Variants in SHANK2 observed in about 807,000 individuals in gnomAD.
The protein encoded by SHANK2 is SH3 and multiple ankyrin repeat domains 2.
In SHANK2, 43 loss-of-function variants were observed where a neutral mutation model predicts 133.7. The ratio of observed to expected loss-of-function variants is 0.32; its 90% CI spans 0.25 to 0.41. The LOEUF is 0.41. Ranked by LOEUF, SHANK2 falls within the 10% of genes least tolerant of loss-of-function variation. The pLI, the probability that SHANK2 is intolerant of heterozygous loss-of-function variation, is 1.00. For synonymous variants in SHANK2, 1,017 were observed against 952.8 expected, an observed-to-expected ratio of 1.07 and a Z score of -1.24; for missense variants, 1,994 against 2,235.8, an observed-to-expected ratio of 0.89 and a Z score of 2.18.
intron 17 of SHANK2, among the ~76,000 whole-genome samples, chr11:70,582,941 T>C (rs1227266635): frequency 1.3e-5 from 2 of 152,190 alleles, no homozygotes; most frequent in African/African-American, 4.8e-5. Flanking sequence ...CAGGAATCAC[T>C]GGCAGGGTCT....
In SHANK2 at chr11:71,122,650, A is replaced by T. The variant is rs542427006; in HGVS notation, c.208-3618T>A. ...ACCCTAGAACTTAAAGTATAATTTT[A>T]AAAAAAAGTGAGAAAATCTGGACAC... On this transcript the variant is annotated intron_variant, in intron 3 of 25. Transcript: ENST00000601538. Among the ~76,000 whole-genome samples, 278 of 152,168 alleles carry T rather than the reference A, an allele frequency of 1.8e-3. 3 individuals are homozygous for T. Among genetic ancestry groups the T allele is most frequent in the African/African-American group, 5.7e-3 (237 of 41,514 alleles).
intron 11 of SHANK2, among the ~76,000 whole-genome samples, chr11:70,823,295 C>A (rs1948571333): frequency 8.0e-6 from 1 of 125,242 alleles, no homozygotes; most frequent in African/African-American, 3.2e-5. Context: ...TGGCAGAGTT[C>A]ATGGGGGACA....
At chr11:70,892,946 C>CCCTTCCCTGACTT in intron 11 of SHANK2, among the ~76,000 whole-genome samples, 1 of 152,326 alleles carries the variant, frequency 6.6e-6, no homozygotes, top group Admixed American at 6.5e-5. Context: ...TGGTGCCCTG[C>CCCTTCCCTGACTT]CCTTCCCTGA....
chr11:70,662,386 G>T (rs1944577170), intron 15 of SHANK2, among the ~76,000 whole-genome samples: 1 of 152,192 alleles, frequency 6.6e-6, no homozygotes, highest in South Asian at 2.1e-4. Context: ...GCGTCATCCC[G>T]CGCGAGCATC....
intron 15 of SHANK2, among the ~76,000 whole-genome samples, chr11:70,690,586 C>T (rs1432242297): frequency 3.2e-5 from 4 of 124,048 alleles, no homozygotes; most frequent in African/African-American, 6.1e-5. Context: ...TCCCAAAGTG[C>T]TGAGGTTACA....
intron 17 of SHANK2, among the ~76,000 whole-genome samples, chr11:70,612,482 G>T (rs1554994562): frequency 6.6e-6 from 1 of 152,188 alleles, no homozygotes; most frequent in African/African-American, 2.4e-5. Context: ...ATATTCTTGG[G>T]GGTGTTTTGC....
chr11:70,495,517 C>T (rs532841936), intron 21 of SHANK2, among the ~76,000 whole-genome samples: 3 of 152,286 alleles, frequency 2.0e-5, no homozygotes, highest in South Asian at 2.1e-4. Context: ...GAGATGTGGC[C>T]GCTGGTGGCC....
rs61885546 is a variant in SHANK2, at chr11:71,099,630, A to C, written c.593-4942T>G. On this transcript the variant is annotated intron_variant, in intron 6 of 25. Coordinates refer to ENST00000601538, the MANE Select transcript of SHANK2 (RefSeq NM_012309.5). ...AGAGAACCCTTAAAACTCCACAAGA[A>C]AGCAAACCACCCAATTAAAAAGGGA... Among the ~76,000 whole-genome samples, 1,089 of 152,320 alleles carry C rather than the reference A, an allele frequency of 7.1e-3. 2 individuals are homozygous for C. The highest frequency in any genetic ancestry group is 0.012 in the Admixed American group (188 of 15,292).
chr11:70,579,067 A>G (rs782573199), intron 17 of SHANK2, among the ~76,000 whole-genome samples: 3 of 152,266 alleles, frequency 2.0e-5, no homozygotes, highest in Non-Finnish European at 2.9e-5. Flanking sequence ...CCTGTGCTGG[A>G]TCCAGGGGAG....
chr11:70,566,488 A>ACTGGCT (rs2059969609), intron 17 of SHANK2: 1 of 152,210 alleles, frequency 6.6e-6, no homozygotes, highest in African/African-American at 2.4e-5. Flanking sequence ...GGCTGGGACC[A>ACTGGCT]CAGTCCCCAG....
intron 17 of SHANK2, among the ~76,000 whole-genome samples, chr11:70,619,409 G>T (rs527710516): frequency 6.6e-6 from 1 of 152,126 alleles, no homozygotes; most frequent in Admixed American, 6.5e-5. Flanking sequence ...GTTCTGCCTT[G>T]GGGGGTCCCA....
intron 11 of SHANK2, among the ~76,000 whole-genome samples, chr11:70,847,984 G>C (rs782816008): frequency 2.0e-5 from 3 of 152,238 alleles, no homozygotes; most frequent in Admixed American, 6.5e-5. Context: ...GAGGGGACCA[G>C]CCAGCTGGGG....
At chr11:70,725,327 A>AT (rs1222302044) in intron 14 of SHANK2, among the ~76,000 whole-genome samples, 1 of 152,180 alleles carries the variant, frequency 6.6e-6, no homozygotes, top group African/African-American at 2.4e-5. Context: ...AAAATGAATC[A>AT]TTTTTCAACA....
chr11:71,196,051 T>G (rs547718518), intron 2 of SHANK2, among the ~76,000 whole-genome samples: 2 of 152,042 alleles, frequency 1.3e-5, no homozygotes, highest in Non-Finnish European at 2.9e-5. Flanking sequence ...AGCATGGTGG[T>G]GTGTGTCTGG....
chr11:71,237,848 A>G (rs549639720), intron 1 of SHANK2, among the ~76,000 whole-genome samples: 1 of 152,212 alleles, frequency 6.6e-6, no homozygotes, highest in Non-Finnish European at 1.5e-5. Flanking sequence ...AGGTTCATCC[A>G]TGTTAGGAAA....
At chr11:70,560,920 C>A (rs1003530695) in intron 17 of SHANK2, among the ~76,000 whole-genome samples, 1 of 151,972 alleles carries the variant, frequency 6.6e-6, no homozygotes, top group African/African-American at 2.4e-5. Flanking sequence ...AGCCACGGTG[C>A]CCGGCCCACT....
At chr11:70,869,241 T>C (rs557879040) in intron 11 of SHANK2, among the ~76,000 whole-genome samples, 1 of 152,314 alleles carries the variant, frequency 6.6e-6, no homozygotes, top group South Asian at 2.1e-4. Flanking sequence ...ATGACTTGTG[T>C]AAGCCTCCCT....
chr11:70,885,993 G>A (rs1413483227), intron 11 of SHANK2, among the ~76,000 whole-genome samples: 3 of 152,140 alleles, frequency 2.0e-5, no homozygotes, highest in African/African-American at 7.2e-5. Context: ...CCCTTCAGCT[G>A]ACATGAAAAT....
intron 14 of SHANK2, among the ~76,000 whole-genome samples, chr11:70,759,595 A>T (rs1407497404): frequency 2.6e-5 from 4 of 152,208 alleles, no homozygotes; most frequent in Non-Finnish European, 4.4e-5. Context: ...GCCGGCGTTA[A>T]CACTAAAGGA....
Sources: gnomAD v4.1 joint callset for allele counts (sites outside exome capture counted in the v4.1 genomes callset) on GRCh38, gnomAD v4.1.1 for gene constraint, MANE v1.5 for transcripts, NCBI Gene and HGNC (gene_info 2026-07-23, HGNC 2026-07-21) for gene names.